NRXN1: variants seen among roughly 807,000 people sequenced by gnomAD.
NRXN1 encodes the protein neurexin 1, also known as neurexin-1.
NRXN1 carries 39 observed loss-of-function variants against 150.9 expected under a neutral mutation model. That is an observed-to-expected ratio of 0.26 (90% CI 0.20 to 0.34). The LOEUF (loss-of-function observed/expected upper bound fraction) is 0.34. NRXN1 is among the 10% of genes least tolerant of loss of function. The pLI is 1.00. For missense variants in NRXN1, 1,815 were observed against 1,949.9 expected (o/e 0.93, Z 1.30); for synonymous variants, 924 against 757.0 (o/e 1.22, Z -3.62).
At chr2:50,100,493 T>C (rs1472912500) in intron 18 of NRXN1, among the ~76,000 whole-genome samples, 1 of 152,130 alleles carries the variant, frequency 6.6e-6, no homozygotes, top group Non-Finnish European at 1.5e-5. Context: ...GGTAATAATC[T>C]TGATATCGGT....
chr2:50,025,761 A>G (rs1210059489), intron 21 of NRXN1, among the ~76,000 whole-genome samples: 1 of 152,180 alleles, frequency 6.6e-6, no homozygotes, highest in Non-Finnish European at 1.5e-5. Context: ...ATACTTTCCT[A>G]TTTTATGCAT....
chr2:49,934,063 T>G (rs947619816), intron 22 of NRXN1, among the ~76,000 whole-genome samples: 9 of 152,242 alleles, frequency 5.9e-5, no homozygotes, highest in African/African-American at 1.2e-4. Flanking sequence ...GGATCAGTGC[T>G]CTCTGGCTCC....
intron 2 of NRXN1, among the ~76,000 whole-genome samples, chr2:51,026,884 G>A (rs765603758): frequency 9.9e-5 from 15 of 152,128 alleles, no homozygotes; most frequent in Non-Finnish European, 2.1e-4. Context: ...ATGAAGAAAC[G>A]CTTCACATCC....
chr2:49,954,449 C>G (rs1674571059), intron 21 of NRXN1, among the ~76,000 whole-genome samples: 1 of 152,094 alleles, frequency 6.6e-6, no homozygotes, highest in African/African-American at 2.4e-5. Flanking sequence ...ATTGTGAGAA[C>G]CTGATTTATT....
rs187662734 is a variant in NRXN1 at position 50,365,745 on chromosome 2, A to C, written c.3364+99697T>G. Among the ~76,000 whole-genome samples the C allele has an allele frequency of 5.9e-5, 9 of 152,136 alleles. No homozygotes were observed. The East Asian group carries it at 1.7e-3, about 29-fold the overall frequency. On this transcript the variant is annotated intron_variant, in intron 17 of 22. Transcript: ENST00000401669. ...CCCGCTTTGTCAAAATTCTGATGCT[A>C]TTAAGTCATTGTTGAACTCATCCTA...
At chr2:50,881,171 T>C (rs769956043) in intron 5 of NRXN1, among the ~76,000 whole-genome samples, 10 of 151,982 alleles carry the variant, frequency 6.6e-5, no homozygotes, top group Non-Finnish European at 1.5e-4. Flanking sequence ...TCCTCCTCTC[T>C]GCTTAAAAGC....
At chr2:50,785,738 T>C (rs1705025242) in intron 5 of NRXN1, among the ~76,000 whole-genome samples, 1 of 152,040 alleles carries the variant, frequency 6.6e-6, no homozygotes, top group African/African-American at 2.4e-5. Context: ...GAGCTTCTGC[T>C]TGGTAGTTTT....
chr2:50,828,439 G>T (rs902429744), intron 5 of NRXN1, among the ~76,000 whole-genome samples: 1 of 151,776 alleles, frequency 6.6e-6, no homozygotes, highest in East Asian at 2.0e-4. Flanking sequence ...AGACGGGGCG[G>T]CTGCCGGGCG....
intron 5 of NRXN1, among the ~76,000 whole-genome samples, chr2:50,676,061 T>G (rs934766200): frequency 1.3e-5 from 2 of 152,260 alleles, no homozygotes; most frequent in Middle Eastern, 3.4e-3. Flanking sequence ...GGTAGGTGTT[T>G]GGGTCATGGG....
chr2:50,633,798 A>C (rs867097170), intron 5 of NRXN1, among the ~76,000 whole-genome samples: 1 of 152,136 alleles, frequency 6.6e-6, no homozygotes, highest in Non-Finnish European at 1.5e-5. Context: ...CACTCTCATC[A>C]AACCAGTGAT....
At chr2:50,521,184 G>A (rs2092778985) in intron 12 of NRXN1, among the ~76,000 whole-genome samples, 1 of 151,990 alleles carries the variant, frequency 6.6e-6, no homozygotes, top group African/African-American at 2.4e-5. Context: ...CATTTAAAAG[G>A]GATTTTGTTA....
intron 18 of NRXN1, among the ~76,000 whole-genome samples, chr2:50,130,723 T>C (rs1198321305): frequency 6.6e-6 from 1 of 152,242 alleles, no homozygotes; most frequent in Non-Finnish European, 1.5e-5. Flanking sequence ...ACTGTTTTCA[T>C]TATTAACCAT....
chr2:51,026,289 C>T (rs1575270263), intron 2 of NRXN1: 3 of 887,850 alleles, frequency 3.4e-6, no homozygotes, highest in Middle Eastern at 2.1e-4. Flanking sequence ...GATTGCCTTG[C>T]TTTGACCCAT....
chr2:51,012,890 C>A (rs1668101708), intron 2 of NRXN1, among the ~76,000 whole-genome samples: 1 of 151,882 alleles, frequency 6.6e-6, no homozygotes, highest in African/African-American at 2.4e-5. Context: ...TTGTTTTTAA[C>A]CCAAAACTAT....
At chr2:50,125,303 T>C (rs1383862011) in intron 18 of NRXN1, among the ~76,000 whole-genome samples, 1 of 152,170 alleles carries the variant, frequency 6.6e-6, no homozygotes, top group African/African-American at 2.4e-5. Flanking sequence ...CACATTTGAA[T>C]ACAATCTATA....
intron 5 of NRXN1, among the ~76,000 whole-genome samples, chr2:50,657,947 C>T (rs192471783): frequency 1.1e-4 from 17 of 152,112 alleles, no homozygotes; most frequent in Admixed American, 7.9e-4. Context: ...ACTGCAGCCA[C>T]ATCTCCCAGA....
At chr2:49,922,919 G>A (rs980245950) in intron 22 of NRXN1, among the ~76,000 whole-genome samples, 3 of 152,108 alleles carry the variant, frequency 2.0e-5, no homozygotes, top group African/African-American at 7.2e-5. Flanking sequence ...AACTTTGGAG[G>A]AGAAAGTAAT....
chr2:49,924,309 A>T (rs949919020), intron 22 of NRXN1, among the ~76,000 whole-genome samples: 1 of 152,214 alleles, frequency 6.6e-6, no homozygotes, highest in Non-Finnish European at 1.5e-5. Flanking sequence ...AGGAATAGGG[A>T]GAATGGAGAT....
chr2:50,373,634 GA>G (rs766865270), intron 17 of NRXN1, among the ~76,000 whole-genome samples: 1 of 54,474 alleles, frequency 1.8e-5, no homozygotes, highest in Non-Finnish European at 4.3e-5. Context: ...AGAAAAGAAA[GA>G]AAGAAAGAAA....
Sources: allele counts gnomAD v4.1 joint callset (sites outside exome capture counted in the v4.1 genomes callset), GRCh38; gene constraint gnomAD v4.1.1; transcripts MANE v1.5; gene names NCBI Gene and HGNC (gene_info 2026-07-23, HGNC 2026-07-21).